The following SLC25A21 variants were observed in gnomAD, a reference collection of about 807,000 sequenced individuals.
SLC25A21 encodes the protein solute carrier family 25 member 21, also known as mitochondrial 2-oxodicarboxylate carrier.
In SLC25A21, 47 loss-of-function variants were observed where a neutral mutation model predicts 43.8. The ratio of observed to expected loss-of-function variants is 1.07; its 90% CI spans 0.85 to 1.37. The LOEUF (loss-of-function observed/expected upper bound fraction) is 1.37. Among genes scored for constraint, SLC25A21 ranks in the 40% most tolerant of loss-of-function variants. SLC25A21 has a pLI of 0.00. For missense variants in SLC25A21, 352 were observed against 350.2 expected (o/e 1.00, Z -0.04); for synonymous variants, 131 against 121.3 (o/e 1.08, Z -0.52).
intron 1 of SLC25A21, among the ~76,000 whole-genome samples, chr14:36,914,791 T>G: frequency 6.6e-6 from 1 of 152,306 alleles, no homozygotes; most frequent in South Asian, 2.1e-4. Flanking sequence ...TAATCATAGC[T>G]AGTGGTTTTA....
At chr14:36,947,631 C>T (rs1305739061) in intron 1 of SLC25A21, among the ~76,000 whole-genome samples, 1 of 152,160 alleles carries the variant, frequency 6.6e-6, no homozygotes. Context: ...TATAGACACA[C>T]ACATCTGATG....
At chr14:37,121,477 T>C (rs1376626663) in intron 1 of SLC25A21, among the ~76,000 whole-genome samples, 1 of 152,128 alleles carries the variant, frequency 6.6e-6, no homozygotes. Flanking sequence ...TTTGTTTTTG[T>C]TTTTTATTTT....
At chr14:37,167,573 C>A (rs796712596) in intron 1 of SLC25A21, among the ~76,000 whole-genome samples, 2 of 152,264 alleles carry the variant, frequency 1.3e-5, no homozygotes, top group East Asian at 3.9e-4. Flanking sequence ...TGCCTGGAGA[C>A]TAGACTGCCT....
chr14:36,778,186 C>T (rs1055885064), intron 3 of SLC25A21, among the ~76,000 whole-genome samples: 2 of 152,222 alleles, frequency 1.3e-5, no homozygotes, highest in East Asian at 1.9e-4. Context: ...TCTTCCTTGA[C>T]CCTCTTCTCC....
At chr14:37,040,390 A>G (rs865908947) in intron 1 of SLC25A21, among the ~76,000 whole-genome samples, 5 of 76,212 alleles carry the variant, frequency 6.6e-5, no homozygotes, top group African/African-American at 3.7e-4. Flanking sequence ...AAAGAAAGAA[A>G]GAAAGAAAGA....
intron 1 of SLC25A21, among the ~76,000 whole-genome samples, chr14:36,970,133 T>C (rs1185530023): frequency 6.6e-6 from 1 of 152,194 alleles, no homozygotes; most frequent in African/African-American, 2.4e-5. Flanking sequence ...GATTTTTTAA[T>C]TATGAAGAGA....
chr14:37,007,739 G>T (rs1356157699), intron 1 of SLC25A21, among the ~76,000 whole-genome samples: 1 of 152,024 alleles, frequency 6.6e-6, no homozygotes. Context: ...TTTACGGGAA[G>T]AAATTATCAA....
intron 3 of SLC25A21, among the ~76,000 whole-genome samples, chr14:36,742,237 C>T (rs542673564): frequency 6.6e-6 from 1 of 152,250 alleles, no homozygotes; most frequent in African/African-American, 2.4e-5. Context: ...TGATTGAAGG[C>T]ATACAATATC....
At chr14:36,945,240 A>C (rs537782139) in intron 1 of SLC25A21, among the ~76,000 whole-genome samples, 1 of 152,322 alleles carries the variant, frequency 6.6e-6, no homozygotes, top group East Asian at 1.9e-4. Flanking sequence ...CATAAAAGTA[A>C]AGAATATTGC....
intron 8 of SLC25A21, 143 bp from the exon 9 acceptor site, chr14:36,684,023 A>AT (rs1882415229): frequency 1.8e-6 from 1 of 547,474 alleles, no homozygotes; most frequent in Non-Finnish European, 3.2e-6. Context: ...GCATCTTAGT[A>AT]TTCTCTGCAG....
intron 1 of SLC25A21, among the ~76,000 whole-genome samples, chr14:37,018,310 A>G (rs1386795772): frequency 6.6e-6 from 1 of 152,016 alleles, no homozygotes; most frequent in African/African-American, 2.4e-5. Context: ...ACTGTTACCT[A>G]TCTTACAAAT....
chr14:36,850,333 T>A (rs1889686012), intron 2 of SLC25A21, among the ~76,000 whole-genome samples: 1 of 152,164 alleles, frequency 6.6e-6, no homozygotes, highest in Non-Finnish European at 1.5e-5. Flanking sequence ...TTCTATGAGG[T>A]AGATATGACT....
chr14:36,874,978 G>T lies in SLC25A21; in HGVS notation c.97C>A (p.Pro33Thr). Reference protein sequence around the residue: ...AGLVEICLMHPLDVVKTRFQI... With the variant: ...AGLVEICLMHTLDVVKTRFQI... ...TACCTGGTTTTCACCACATCTAGGG[G>T]GTGCATCAGGCAAATTTCTACAAGA... is the stretch of plus-strand genomic sequence containing the variant. Residue 33 changes from proline (P) to threonine (T), a missense_variant, in exon 2 of 10, where the codon CCC becomes ACC. Physicochemically the swap from Pro to Thr is conservative, Grantham distance 38. Coordinates refer to ENST00000331299, the MANE Select transcript of SLC25A21 (RefSeq NM_030631.4). 6.2e-7 allele frequency: 1 copy of T among 1,610,366 alleles called. No individual in the cohort carries two copies. The highest frequency in any genetic ancestry group is 8.5e-7 in the Non-Finnish European group (1 of 1,178,300).
intron 3 of SLC25A21, among the ~76,000 whole-genome samples, chr14:36,781,607 T>C (rs1887064859): frequency 6.6e-6 from 1 of 152,236 alleles, no homozygotes; most frequent in African/African-American, 2.4e-5. Flanking sequence ...ACAAAAACTC[T>C]ACACTTTAAC....
At chr14:36,687,822 C>A (rs956499188) in intron 7 of SLC25A21, among the ~76,000 whole-genome samples, 1 of 152,236 alleles carries the variant, frequency 6.6e-6, no homozygotes, top group African/African-American at 2.4e-5. Context: ...TTTACCAAGT[C>A]TTGCTTCCTT....
At chr14:36,814,087 T>C in intron 2 of SLC25A21, 86 bp from the exon 3 acceptor site, 1 of 831,244 alleles carries the variant, frequency 1.2e-6, no homozygotes, top group South Asian at 1.6e-5. Context: ...GAAACTCAGC[T>C]TTTCAGATTA....
chr14:36,925,832 G>C (rs1713137209), intron 1 of SLC25A21, among the ~76,000 whole-genome samples: 1 of 152,098 alleles, frequency 6.6e-6, no homozygotes, highest in African/African-American at 2.4e-5. Flanking sequence ...GGGTGACAGA[G>C]CAAGACTCCA....
intron 2 of SLC25A21, among the ~76,000 whole-genome samples, chr14:36,862,202 A>G (rs992585978): frequency 2.0e-4 from 30 of 152,194 alleles, no homozygotes; most frequent in African/African-American, 7.2e-4. Flanking sequence ...ACAGTGTGGC[A>G]ATTCCTCAAG....
At chr14:36,796,183 T>C (rs954039462) in intron 3 of SLC25A21, among the ~76,000 whole-genome samples, 2 of 152,124 alleles carry the variant, frequency 1.3e-5, no homozygotes, top group African/African-American at 2.4e-5. Flanking sequence ...ATAACATAAT[T>C]GACAATTTAC....
Sources: gnomAD v4.1 joint callset for allele counts (sites outside exome capture counted in the v4.1 genomes callset) on GRCh38, gnomAD v4.1.1 for gene constraint, MANE v1.5 for transcripts, NCBI Gene and HGNC (gene_info 2026-07-23, HGNC 2026-07-21) for gene names.